The following PNLIP variants were observed in gnomAD, a reference collection of about 807,000 sequenced individuals.
The protein encoded by PNLIP is pancreatic triacylglycerol lipase.
PNLIP carries 49 observed loss-of-function variants against 57.1 expected under a neutral mutation model. The ratio of observed to expected loss-of-function variants is 0.86; its 90% CI spans 0.68 to 1.09. The LOEUF (loss-of-function observed/expected upper bound fraction) is 1.09. Among genes scored for constraint, PNLIP ranks in the 50% least tolerant of loss-of-function variants. PNLIP has a pLI of 0.00. For synonymous variants in PNLIP, 209 were observed against 200.4 expected (o/e 1.04, Z -0.36); for missense variants, 503 against 570.2 (o/e 0.88, Z 1.20).
chr10:116,552,840 C>T (rs1378965133), intron 5 of PNLIP, among the ~76,000 whole-genome samples: 6 of 151,864 alleles, frequency 4.0e-5, no homozygotes, highest in African/African-American at 1.5e-4. Context: ...GAGCTGAGAT[C>T]GTGCCACTGC....
intron 9 of PNLIP, among the ~76,000 whole-genome samples, chr10:116,558,204 T>C (rs1589557718): frequency 2.0e-5 from 3 of 150,372 alleles, no homozygotes; most frequent in South Asian, 4.2e-4. Flanking sequence ...TCTTTCTTTT[T>C]TTTTTTTTTT....
chr10:116,558,199 C>CTT (rs71010092), intron 9 of PNLIP, among the ~76,000 whole-genome samples: 107 of 118,236 alleles, frequency 9.0e-4, no homozygotes, highest in Admixed American at 3.0e-3. Flanking sequence ...ATCTTTCTTT[C>CTT]TTTTTTTTTT....
intron 12 of PNLIP, among the ~76,000 whole-genome samples, chr10:116,565,543 C>T (rs774381533): frequency 6.1e-5 from 9 of 147,556 alleles, no homozygotes; most frequent in Non-Finnish European, 1.2e-4. Context: ...TCACTGCAAC[C>T]TCTGCCTCCT....
intron 12 of PNLIP, among the ~76,000 whole-genome samples, chr10:116,567,121 CTCTT>C (rs10563857): frequency 0.87 from 127,499 of 146,314 alleles, 55,877 homozygotes; most frequent in Non-Finnish European, 0.92. Flanking sequence ...TCCTTTCTTT[CTCTT>C]TCTTTCTTTC....
chr10:116,552,249 A>C (rs1019692250), intron 5 of PNLIP, among the ~76,000 whole-genome samples: 3 of 152,232 alleles, frequency 2.0e-5, no homozygotes, highest in African/African-American at 7.2e-5. Flanking sequence ...TCAACTTATT[A>C]AAGAAAAATA....
At position 116,555,522 on chromosome 10, in the gene PNLIP, T is replaced by C; in HGVS notation, c.811+15T>C. ...AATCTGGGAAGGTAGAACTATTATG[T>C]GTAGAAAGAGATCTTCTTGGGAGAA... On this transcript the variant is annotated intron_variant, in intron 8 of 12. Transcript: ENST00000369221. 2.5e-6 allele frequency: 4 copies of C among 1,609,188 alleles called. No homozygotes were observed. Among genetic ancestry groups the C allele is most frequent in the Non-Finnish European group, 3.4e-6 (4 of 1,178,166 alleles).
chr10:116,555,355 A>C (rs749314010), intron 7 of PNLIP, 33 bp from the exon 8 acceptor site: 2 of 1,614,032 alleles, frequency 1.2e-6, no homozygotes, highest in African/African-American at 2.7e-5. Flanking sequence ...TATATACATT[A>C]GCATAAACCC....
At chr10:116,554,220 T>C (rs1847226871) in intron 6 of PNLIP, among the ~76,000 whole-genome samples, 1 of 152,212 alleles carries the variant, frequency 6.6e-6, no homozygotes, top group South Asian at 2.1e-4. Flanking sequence ...TATTCATGTC[T>C]ATTTCCCCAT....
chr10:116,565,461 C>CTTT (rs559369951), intron 12 of PNLIP, among the ~76,000 whole-genome samples: 18 of 134,798 alleles, frequency 1.3e-4, no homozygotes, highest in African/African-American at 4.6e-4. Context: ...ATAAAATGCA[C>CTTT]TTTTTTTTTT....
In PNLIP at chr10:116,560,513, T is replaced by G. The variant is rs751479701; in HGVS notation, c.1158T>G (p.Tyr386Ter). The G allele has an allele frequency of 6.6e-7, 1 of 1,524,756 alleles. No individual in the cohort carries two copies. Among genetic ancestry groups the G allele is most frequent in the East Asian group, 2.3e-5 (1 of 44,342 alleles). 94.5% of individuals were successfully genotyped at this position (1,524,756 alleles called of 1,614,324 possible). The change falls in exon 11 of 13, where the codon TAT (tyrosine) becomes TAG (stop). Residue 386 changes from tyrosine to a stop codon, truncating the protein, a stop_gained. Transcript: ENST00000369221. LOFTEE classifies it high-confidence loss of function. ...GAAATAAAGGAAACTCTAAGCAGTA[T>G]GAAATTTTCAAGTGAGTAAAATAAT... is the stretch of plus-strand genomic sequence containing the variant. Reference protein sequence around the residue: ...LFGNKGNSKQYEIFKGTLKPD... With the variant: ...LFGNKGNSKQ
chr10:116,555,587 G>A (rs1283949638), intron 8 of PNLIP, 80 bp downstream of exon 8: 1 of 1,457,064 alleles, frequency 6.9e-7, no homozygotes, highest in Non-Finnish European at 9.4e-7. Flanking sequence ...AAATTCTTTG[G>A]AATTGTACAG....
chr10:116,552,771 A>G (rs1847208074), intron 5 of PNLIP, among the ~76,000 whole-genome samples: 1 of 152,042 alleles, frequency 6.6e-6, no homozygotes, highest in African/African-American at 2.4e-5. Flanking sequence ...CTGTAGTCCC[A>G]GCTACTCGGG....
At chr10:116,550,510 G>A (rs1007927462) in intron 4 of PNLIP, among the ~76,000 whole-genome samples, 3 of 152,112 alleles carry the variant, frequency 2.0e-5, no homozygotes, top group African/African-American at 7.2e-5. Context: ...GTTTTCATGT[G>A]AAATATTAAT....
rs76415321 is a variant in PNLIP, at chr10:116,547,419, T to C, written c.172T>C (p.Tyr58His). 1.8e-4 allele frequency: 297 copies of C among 1,613,584 alleles called. 2 individuals are homozygous for C. In the East Asian group the frequency reaches 6.6e-3, roughly 36 times the overall value. Residue 58 changes from tyrosine to histidine, a missense_variant, in exon 3 of 13, where the codon TAT becomes CAT. Tyr to His is a moderately conservative substitution (Grantham distance 83). Coordinates refer to ENST00000369221, the MANE Select transcript of PNLIP (RefSeq NM_000936.4). ...AGATGTCAACACCCGCTTCCTCCTA[T>C]ATACTAATGAGAACCCAAACAACTT... ...PKDVNTRFLL[Y>H]TNENPNNFQE... is the part of the protein sequence containing the mutation.
At chr10:116,564,620 A>C (rs2133209567) in intron 12 of PNLIP, among the ~76,000 whole-genome samples, 1 of 152,342 alleles carries the variant, frequency 6.6e-6, no homozygotes, top group South Asian at 2.1e-4. Flanking sequence ...ATAAATACAT[A>C]ATATTTTTAA....
chr10:116,547,216 A>C, intron 2 of PNLIP, 78 bp from the exon 3 acceptor site: 1 of 1,353,572 alleles, frequency 7.4e-7, no homozygotes, highest in Non-Finnish European at 1.1e-6. Context: ...CACACAGTGT[A>C]ATTGAACTCA....
intron 12 of PNLIP, among the ~76,000 whole-genome samples, chr10:116,566,922 A>T (rs976845963): frequency 6.6e-6 from 1 of 152,138 alleles, no homozygotes; most frequent in Non-Finnish European, 1.5e-5. Flanking sequence ...TTTATTAAAG[A>T]AAAATATTCC....
At chr10:116,560,614 G>A in intron 11 of PNLIP, 90 bp downstream of exon 11, 2 of 599,512 alleles carry the variant, frequency 3.3e-6, no homozygotes, top group South Asian at 4.4e-5. Flanking sequence ...GTCTTGCTCT[G>A]TCACCCAGGC....
intron 12 of PNLIP, among the ~76,000 whole-genome samples, chr10:116,561,991 AG>A (rs1589559270): frequency 6.6e-6 from 1 of 152,296 alleles, no homozygotes; most frequent in East Asian, 1.9e-4. Flanking sequence ...TTGCTGTTTA[AG>A]TTGCTGGAAA....
Sources: allele counts gnomAD v4.1 joint callset (sites outside exome capture counted in the v4.1 genomes callset), GRCh38; gene constraint gnomAD v4.1.1; transcripts MANE v1.5; gene names NCBI Gene and HGNC (gene_info 2026-07-23, HGNC 2026-07-21).